MYO16: variants seen among roughly 807,000 people sequenced by gnomAD.
MYO16 encodes unconventional myosin-XVI.
In MYO16, 94 loss-of-function variants were observed where a neutral mutation model predicts 205.3. The observed-to-expected ratio is 0.46, with a 90% CI of 0.39 to 0.54. MYO16 has a LOEUF of 0.54. MYO16 is among the 20% of genes least tolerant of loss of function. MYO16 has a pLI of 0.00. For synonymous variants in MYO16, 988 were observed against 954.0 expected (o/e 1.04, Z -0.66); for missense variants, 2,315 against 2,387.5 (o/e 0.97, Z 0.63).
intron 15 of MYO16, among the ~76,000 whole-genome samples, chr13:108,905,694 T>TA (rs1880937042): frequency 1.3e-5 from 2 of 152,222 alleles, no homozygotes; most frequent in Non-Finnish European, 1.5e-5. Context: ...TATGGTCTCA[T>TA]ATGGCTACTG....
At chr13:108,835,109 TAA>T (rs956075755) in intron 9 of MYO16, among the ~76,000 whole-genome samples, 147 of 152,030 alleles carry the variant, frequency 9.7e-4, no homozygotes, top group Non-Finnish European at 1.3e-3. Flanking sequence ...CTTATATGAA[TAA>T]GAGAGTAATA....
the MYO16 span, among the ~76,000 whole-genome samples, chr13:108,547,271 CAAAA>C: frequency 3.0e-3 from 281 of 92,348 alleles, 2 homozygotes; most frequent in African/African-American, 9.7e-3. Context: ...GACTCTGTCT[CAAAA>C]AAAAAAAAAA....
At chr13:108,924,244 A>T (rs1226345206) in intron 16 of MYO16, among the ~76,000 whole-genome samples, 1 of 152,222 alleles carries the variant, frequency 6.6e-6, no homozygotes, top group Non-Finnish European at 1.5e-5. Flanking sequence ...TAGTGATGTG[A>T]TGCAGTCATG....
chr13:108,716,109 C>G (rs570462317), intron 3 of MYO16, among the ~76,000 whole-genome samples: 48 of 152,292 alleles, frequency 3.2e-4, no homozygotes, highest in Admixed American at 2.2e-3. Context: ...ATCTCAAAAA[C>G]TGTGGCTGTC....
intron 22 of MYO16, among the ~76,000 whole-genome samples, chr13:109,016,736 T>C (rs1346348580): frequency 6.6e-6 from 1 of 152,202 alleles, no homozygotes; most frequent in Non-Finnish European, 1.5e-5. Context: ...TCTCTTTTCA[T>C]CTTTGTTGGT....
chr13:108,925,813 C>T (rs576220955), intron 16 of MYO16, among the ~76,000 whole-genome samples: 1 of 152,346 alleles, frequency 6.6e-6, no homozygotes, highest in South Asian at 2.1e-4. Flanking sequence ...CTGACACTGA[C>T]TGGCCCCCAT....
At chr13:108,644,746 C>T (rs555721272) in intron 1 of MYO16, among the ~76,000 whole-genome samples, 15 of 152,052 alleles carry the variant, frequency 9.9e-5, no homozygotes, top group East Asian at 3.9e-4. Flanking sequence ...AATTAGCTTT[C>T]GGTAGTGTCA....
intron 7 of MYO16, among the ~76,000 whole-genome samples, chr13:108,810,035 T>C (rs1887238601): frequency 6.6e-6 from 1 of 152,206 alleles, no homozygotes; most frequent in South Asian, 2.1e-4. Context: ...TCCTGATCCA[T>C]TGATGGTTGC....
At chr13:109,110,155 G>A (rs1454405706) in intron 28 of MYO16, among the ~76,000 whole-genome samples, 2 of 152,202 alleles carry the variant, frequency 1.3e-5, no homozygotes, top group Non-Finnish European at 2.9e-5. Context: ...TAAAAAGAAA[G>A]ATCAAATGTG....
the MYO16 span, among the ~76,000 whole-genome samples, chr13:108,544,481 G>C: frequency 6.6e-6 from 1 of 152,158 alleles, no homozygotes; most frequent in Non-Finnish European, 1.5e-5. Flanking sequence ...TCACACCGTG[G>C]AAGTGGGGTA....
At chr13:108,688,264 G>T (rs555764376) in intron 2 of MYO16, among the ~76,000 whole-genome samples, 5 of 152,206 alleles carry the variant, frequency 3.3e-5, no homozygotes, top group African/African-American at 1.2e-4. Flanking sequence ...CAAGGAAACA[G>T]ATTTACACAT....
chr13:108,662,852 C>T (rs1004360807), intron 1 of MYO16, among the ~76,000 whole-genome samples: 15 of 152,296 alleles, frequency 9.8e-5, no homozygotes, highest in African/African-American at 3.6e-4. Flanking sequence ...CTCCCTCTGG[C>T]CACCCTCCCA....
At chr13:108,699,737 T>G (rs1265181954) in intron 2 of MYO16, among the ~76,000 whole-genome samples, 1 of 152,188 alleles carries the variant, frequency 6.6e-6, no homozygotes, top group Non-Finnish European at 1.5e-5. Context: ...CTGTAGAACA[T>G]GTAAGTTTGA....
In MYO16 at chr13:108,759,789, CA is replaced by C. The variant is rs1885544184; in HGVS notation, c.508-25845del. ...GAGCCGAGATCGCGCCACTGCACTC[CA>C]GCCTGGGCGACACAGCGAGACTCCG... On this transcript the variant is annotated intron_variant, in intron 4 of 34. Coordinates refer to ENST00000457511, the MANE Select transcript of MYO16 (RefSeq NM_001198950.3). Among the ~76,000 whole-genome samples, 3 of 147,516 alleles carry C rather than the reference CA, an allele frequency of 2.0e-5. No individual in the cohort carries two copies. The East Asian group carries it at 6.0e-4, about 30-fold the overall frequency.
In MYO16 at chr13:109,149,889, A is replaced by G. The variant is rs559944308; in HGVS notation, c.5164+8513A>G. On this transcript the variant is annotated intron_variant, in intron 32 of 34. Transcript: ENST00000457511. ...CGTTTCTCTTTTTCTTGGCCTCTTTAAAGTTTTACTTGGGACTGAGTTCCT... is the reference window on the plus strand; with the variant it reads ...CGTTTCTCTTTTTCTTGGCCTCTTTGAAGTTTTACTTGGGACTGAGTTCCT... Among the ~76,000 whole-genome samples, 42 of 152,312 alleles carry G rather than the reference A, an allele frequency of 2.8e-4. No homozygotes were observed. In the South Asian group the frequency reaches 8.5e-3, roughly 31 times the overall value.
At chr13:108,555,033 G>A in the MYO16 span, among the ~76,000 whole-genome samples, 2 of 151,968 alleles carry the variant, frequency 1.3e-5, no homozygotes, top group Non-Finnish European at 2.9e-5. Context: ...AAATCTAGCA[G>A]GTATTTAATA....
intron 28 of MYO16, among the ~76,000 whole-genome samples, chr13:109,119,817 C>T (rs986057165): frequency 1.3e-5 from 2 of 152,206 alleles, no homozygotes; most frequent in Non-Finnish European, 2.9e-5. Context: ...ATGACTTTCT[C>T]ATCTTTCTTG....
intron 5 of MYO16, among the ~76,000 whole-genome samples, chr13:108,789,149 G>T (rs1342105325): frequency 2.6e-5 from 4 of 152,150 alleles, no homozygotes; most frequent in African/African-American, 9.7e-5. Context: ...ACATGTCTCT[G>T]TGGAATGTGT....
chr13:109,037,247 T>C (rs556694232), intron 23 of MYO16, among the ~76,000 whole-genome samples: 2 of 152,364 alleles, frequency 1.3e-5, no homozygotes, highest in African/African-American at 2.4e-5. Context: ...TTCTTCTCTA[T>C]GCGAAGTTAT....
Sources: allele counts gnomAD v4.1 joint callset (sites outside exome capture counted in the v4.1 genomes callset), GRCh38; gene constraint gnomAD v4.1.1; transcripts MANE v1.5; gene names NCBI Gene and HGNC (gene_info 2026-07-23, HGNC 2026-07-21).